The following CAMK2G variants were observed in gnomAD, a reference collection of about 807,000 sequenced individuals.
CAMK2G encodes calcium/calmodulin dependent protein kinase II gamma.
CAMK2G carries 23 observed loss-of-function variants against 88.7 expected under a neutral mutation model. The observed-to-expected ratio is 0.26, with a 90% CI of 0.19 to 0.37. The LOEUF is 0.37. Among genes scored for constraint, CAMK2G ranks in the 10% least tolerant of loss-of-function variants. The pLI is 1.00. For synonymous variants in CAMK2G, 263 were observed against 294.8 expected (o/e 0.89, Z 1.11); for missense variants, 476 against 780.8 (o/e 0.61, Z 4.65).
At chr10:73,851,755 G>GC (rs962867792) in intron 5 of CAMK2G, among the ~76,000 whole-genome samples, 2 of 149,154 alleles carry the variant, frequency 1.3e-5, no homozygotes, top group Admixed American at 6.7e-5. Context: ...TTTTGTGGGG[G>GC]GGGGGAGGGG....
chr10:73,817,790 T>C (rs1273407165), intron 19 of CAMK2G: 1 of 553,240 alleles, frequency 1.8e-6, no homozygotes, highest in East Asian at 2.8e-5. Context: ...TATGGTTCTT[T>C]GGCCTTTGCC....
intron 2 of CAMK2G, among the ~76,000 whole-genome samples, chr10:73,862,375 A>T (rs1409109627): frequency 6.8e-6 from 1 of 146,400 alleles, no homozygotes. Context: ...TTTCAGTTGC[A>T]AGCTCTTCGA....
At chr10:73,871,628 A>AC (rs2095834886) in intron 2 of CAMK2G, among the ~76,000 whole-genome samples, 1 of 139,664 alleles carries the variant, frequency 7.2e-6, no homozygotes, top group South Asian at 2.5e-4. Flanking sequence ...TGTCCCCCCC[A>AC]CCCCCACTCC....
chr10:73,861,646 G>A (rs1011690383), intron 2 of CAMK2G, among the ~76,000 whole-genome samples: 52 of 152,132 alleles, frequency 3.4e-4, no homozygotes, highest in African/African-American at 1.2e-3. Flanking sequence ...GTGAGCCACC[G>A]CGCCTGGCCC....
rs764157566 is a variant in CAMK2G at position 73,819,638 on chromosome 10, C to T, written c.1257G>A (p.Pro419=). The change falls in exon 19 of 23, where the codon CCG becomes CCA. Residue 419 remains proline, a synonymous_variant. Transcript: ENST00000423381. Reference sequence around the variant, plus strand: ...CCGAGCTGCCATTCCCAGTGCGGAGCGGGGCAGCTAGCCAGCCAGGGCAGG... The same window carrying T: ...CCGAGCTGCCATTCCCAGTGCGGAGTGGGGCAGCTAGCCAGCCAGGGCAGG... ...TTEDEDLKAA[P]LRTGNGSSVP... 9.1e-6 allele frequency: 14 copies of T among 1,539,564 alleles called. No individual in the cohort carries two copies. The highest frequency in any genetic ancestry group is 4.8e-5 in the South Asian group (4 of 83,698).
Position 73,826,748 on chromosome 10 carries a change from A to G in CAMK2G, c.1086+1341T>C, listed in dbSNP as rs867540438. On this transcript the variant is annotated intron_variant, in intron 15 of 22. Coordinates refer to ENST00000423381, the MANE Select transcript of CAMK2G (RefSeq NM_001367534.1). ...AGCTAGAATGTGTGTCTTCTCTCCT[A>G]GGACATACACAGAAAGCATCCTGAC... is the stretch of plus-strand genomic sequence containing the variant. 3.5e-4 allele frequency among the ~76,000 whole-genome samples: 53 copies of G among 152,306 alleles called. No homozygotes were observed. The Middle Eastern group carries it at 0.017, about 49-fold the overall frequency.
chr10:73,845,439 G>A (rs754251221), intron 10 of CAMK2G, among the ~76,000 whole-genome samples: 11 of 151,986 alleles, frequency 7.2e-5, no homozygotes, highest in Admixed American at 2.0e-4. Context: ...AAAATTAGCC[G>A]GGCGTGGTGG....
intron 5 of CAMK2G, 121 bp from the exon 6 acceptor site, chr10:73,849,454 T>G (rs911440511): frequency 1.5e-5 from 10 of 670,116 alleles, no homozygotes; most frequent in Non-Finnish European, 2.7e-5. Flanking sequence ...GAGAATCACT[T>G]AACGGCCACT....
chr10:73,829,853 G>C (rs536161726), intron 14 of CAMK2G, among the ~76,000 whole-genome samples: 2 of 152,128 alleles, frequency 1.3e-5, no homozygotes, highest in Admixed American at 6.6e-5. Context: ...GCATACAGGC[G>C]ACGAAAGTTT....
chr10:73,856,104 A>G (rs1217403797), intron 3 of CAMK2G, among the ~76,000 whole-genome samples: 2 of 152,078 alleles, frequency 1.3e-5, no homozygotes, highest in Admixed American at 6.5e-5. Flanking sequence ...AAATCTAACA[A>G]CTAACACTTA....
intron 9 of CAMK2G, 122 bp from the exon 10 acceptor site, chr10:73,847,469 G>T: frequency 1.9e-6 from 2 of 1,064,254 alleles, no homozygotes; most frequent in African/African-American, 1.6e-5. Context: ...AGCTGTGACT[G>T]GCAGAGTTGG....
At chr10:73,823,748 T>C (rs1387874103) in intron 17 of CAMK2G, among the ~76,000 whole-genome samples, 1 of 152,218 alleles carries the variant, frequency 6.6e-6, no homozygotes, top group Non-Finnish European at 1.5e-5. Context: ...TTTACTCTCA[T>C]TTAAACTTCC....
chr10:73,820,663 A>ATTTTTTTTTTTTTTTTTTTTTTTT (rs1198716305), intron 18 of CAMK2G, among the ~76,000 whole-genome samples: 1 of 46,130 alleles, frequency 2.2e-5, no homozygotes, highest in African/African-American at 1.4e-4. Flanking sequence ...CACCCGGCTA[A>ATTTTTTTTTTTTTTTTTTTTTTTT]TTTTTTTTTT....
chr10:73,873,143 C>T (rs2095897198), intron 1 of CAMK2G, 60 bp from the exon 2 acceptor site: 9 of 1,230,156 alleles, frequency 7.3e-6, no homozygotes, highest in Admixed American at 5.0e-5. Context: ...CACAGACACA[C>T]TTCAAGTCTG....
intron 14 of CAMK2G, among the ~76,000 whole-genome samples, chr10:73,831,308 G>A (rs1049821617): frequency 6.6e-6 from 1 of 152,126 alleles, no homozygotes; most frequent in Admixed American, 6.5e-5. Flanking sequence ...GGGAGGCTGA[G>A]GCGGGTGGAT....
intron 2 of CAMK2G, among the ~76,000 whole-genome samples, chr10:73,868,513 G>A (rs191571707): frequency 2.7e-4 from 41 of 152,292 alleles, no homozygotes; most frequent in African/African-American, 9.1e-4. Flanking sequence ...AAGTAGAGGC[G>A]CTCCATCACT....
chr10:73,858,968 T>G (rs909382721), intron 3 of CAMK2G, among the ~76,000 whole-genome samples: 17 of 152,260 alleles, frequency 1.1e-4, no homozygotes, highest in African/African-American at 4.1e-4. Flanking sequence ...GACATGGTTC[T>G]GCTTCCTGCA....
chr10:73,862,856 AC>A (rs1171612342), intron 2 of CAMK2G, among the ~76,000 whole-genome samples: 5 of 152,168 alleles, frequency 3.3e-5, no homozygotes, highest in African/African-American at 1.2e-4. Flanking sequence ...TCTACCCTAA[AC>A]AGCAAAAAGC....
At chr10:73,825,386 C>A (rs1387759903) in intron 15 of CAMK2G, 39 bp from the exon 16 acceptor site, 2 of 1,524,724 alleles carry the variant, frequency 1.3e-6, no homozygotes, top group Admixed American at 1.7e-5. Flanking sequence ...CCTCCAGAGT[C>A]CCCAAGGCCA....
Sources: gnomAD v4.1 joint callset for allele counts (sites outside exome capture counted in the v4.1 genomes callset) on GRCh38, gnomAD v4.1.1 for gene constraint, MANE v1.5 for transcripts, NCBI Gene and HGNC (gene_info 2026-07-23, HGNC 2026-07-21) for gene names.